The following COL9A3 variants were observed in gnomAD, a reference collection of about 807,000 sequenced individuals.
The protein encoded by COL9A3 is collagen alpha-3(IX) chain.
In COL9A3, 82 loss-of-function variants were observed where a neutral mutation model predicts 110.2. The observed-to-expected ratio is 0.74, with a 90% CI of 0.62 to 0.89. The LOEUF (loss-of-function observed/expected upper bound fraction) is 0.89. Among genes scored for constraint, COL9A3 ranks in the 40% least tolerant of loss-of-function variants. The pLI is 0.00. For missense variants in COL9A3, 1,066 were observed against 981.3 expected, an observed-to-expected ratio of 1.09 and a Z score of -1.15; for synonymous variants, 494 against 403.8, an observed-to-expected ratio of 1.22 and a Z score of -2.68.
rs531362944 is a variant in COL9A3 at position 62,835,102 on chromosome 20, AC to A, written c.1369-814del. ...TCGCACGGTCGGGCTGTGTGAGGTG[AC>A]CCCCTACCCTCCTGGCCTCCGCGGA... On this transcript the variant is annotated intron_variant, in intron 26 of 31. Coordinates refer to ENST00000649368, the MANE Select transcript of COL9A3 (RefSeq NM_001853.4). 5.3e-5 allele frequency among the ~76,000 whole-genome samples: 8 copies of A among 151,780 alleles called. No individual in the cohort carries two copies. The South Asian group carries it at 1.7e-3, about 32-fold the overall frequency.
chr20:62,825,711 G>A (rs1442488177), intron 12 of COL9A3, 106 bp from the exon 13 acceptor site: 2 of 1,170,314 alleles, frequency 1.7e-6, no homozygotes, highest in Admixed American at 2.0e-5. Flanking sequence ...GCTGTGAAGG[G>A]GGCAACACCC....
chr20:62,818,742 G>T (rs1991019502), intron 3 of COL9A3, among the ~76,000 whole-genome samples, 189 bp downstream of exon 3: 1 of 152,232 alleles, frequency 6.6e-6, no homozygotes, highest in African/African-American at 2.4e-5. Flanking sequence ...CTCAGCCTCT[G>T]CATGTTCAGG....
At chr20:62,818,824 C>A (rs1364038316) in intron 3 of COL9A3, among the ~76,000 whole-genome samples, 2 of 152,208 alleles carry the variant, frequency 1.3e-5, no homozygotes, top group Non-Finnish European at 2.9e-5. Flanking sequence ...TACAGCCCTT[C>A]AGGTCCCCCA....
At chr20:62,833,945 T>C (rs932758372) in intron 26 of COL9A3, among the ~76,000 whole-genome samples, 1 of 152,092 alleles carries the variant, frequency 6.6e-6, no homozygotes, top group Non-Finnish European at 1.5e-5. Context: ...AGTGACGCCA[T>C]CTCGGCTCAC....
At chr20:62,832,094 C>A in intron 24 of COL9A3, 60 bp from the exon 25 acceptor site, 1 of 1,532,636 alleles carries the variant, frequency 6.5e-7, no homozygotes, top group Non-Finnish European at 9.0e-7. Context: ...GGGCCCAGGG[C>A]AGGCTCACTT....
intron 12 of COL9A3, 169 bp from the exon 13 acceptor site, chr20:62,825,648 G>A: frequency 2.8e-6 from 2 of 711,358 alleles, no homozygotes; most frequent in South Asian, 1.6e-5. Flanking sequence ...AGACTCGCGG[G>A]ACTGCTCTGG....
chr20:62,826,342 G>A, intron 14 of COL9A3, 85 bp downstream of exon 14: 4 of 1,285,554 alleles, frequency 3.1e-6, no homozygotes, highest in Non-Finnish European at 4.3e-6. Flanking sequence ...TGGGCCCCGT[G>A]AGTGACACTC....
At chr20:62,835,695 A>G (rs2063629624) in intron 26 of COL9A3, among the ~76,000 whole-genome samples, 1 of 152,196 alleles carries the variant, frequency 6.6e-6, no homozygotes, top group South Asian at 2.1e-4. Context: ...GCAGCTAACA[A>G]AGTCACTCTT....
At position 62,821,531 on chromosome 20, in the gene COL9A3, G is replaced by A. The variant is rs766029215; in HGVS notation, c.369+1G>A. 5.0e-6 allele frequency: 8 copies of A among 1,612,786 alleles called. No individual in the cohort carries two copies. The highest frequency in any genetic ancestry group is 2.2e-5 in the East Asian group (1 of 44,864). ...GGGCAAAGGCCTCCCTGGACCCCCC[G>A]TGAGTACTGACAACCCTTGGGGCCC... On this transcript the variant is annotated splice_donor_variant, in intron 7 of 31. Transcript: ENST00000649368. LOFTEE classifies it high-confidence loss of function.
At chr20:62,817,706 C>T (rs1990981090) in intron 2 of COL9A3, 71 bp downstream of exon 2, 1 of 1,071,434 alleles carries the variant, frequency 9.3e-7, no homozygotes, top group Non-Finnish European at 1.3e-6. Context: ...CCCTGAGCTC[C>T]CCGGCCTGAT....
intron 24 of COL9A3, chr20:62,831,125 G>A (rs2063594269): frequency 6.6e-6 from 1 of 152,270 alleles, no homozygotes; most frequent in Non-Finnish European, 1.5e-5. Flanking sequence ...GTTGACAGAG[G>A]ATCACGTTGC....
chr20:62,820,417 G>GT (rs1419631912), intron 5 of COL9A3, among the ~76,000 whole-genome samples: 1 of 152,216 alleles, frequency 6.6e-6, no homozygotes, highest in Non-Finnish European at 1.5e-5. Flanking sequence ...TTCTCCCCTT[G>GT]TGGCTTCTGA....
In COL9A3 at chr20:62,817,655, G is replaced by A. The variant is rs1990978452; in HGVS notation, c.147+20G>A. Reference sequence around the variant, plus strand: ...ATTGACGTGAGTTTGGGGGTGGGGAGGGCCCCGAGCGCTCTGGGGTTCTGG... The same window carrying A: ...ATTGACGTGAGTTTGGGGGTGGGGAAGGCCCCGAGCGCTCTGGGGTTCTGG... On this transcript the variant is annotated intron_variant, in intron 2 of 31. Coordinates refer to ENST00000649368, the MANE Select transcript of COL9A3 (RefSeq NM_001853.4). 1 of 1,519,126 alleles carries A rather than the reference G, an allele frequency of 6.6e-7. No individual in the cohort carries two copies. Among genetic ancestry groups the A allele is most frequent in the South Asian group, 1.2e-5 (1 of 81,904 alleles). 94.1% of individuals were successfully genotyped at this position (1,519,126 alleles called of 1,614,324 possible).
chr20:62,824,922 G>C, intron 11 of COL9A3, 46 bp from the exon 12 acceptor site: 1 of 1,573,772 alleles, frequency 6.4e-7, no homozygotes, highest in Admixed American at 1.8e-5. Flanking sequence ...CAGGGAGGGG[G>C]TGTCGGGGGG....
chr20:62,836,042 G>A (rs2147226918), intron 27 of COL9A3, 89 bp downstream of exon 27: 10 of 1,608,526 alleles, frequency 6.2e-6, no homozygotes, highest in Middle Eastern at 1.7e-4. Flanking sequence ...AGCCCTGCAG[G>A]GCACTGCCCA....
chr20:62,818,689 G>A (rs1991017587), intron 3 of COL9A3, 136 bp downstream of exon 3: 5 of 892,048 alleles, frequency 5.6e-6, no homozygotes, highest in Non-Finnish European at 9.2e-6. Flanking sequence ...CAGAGGGCTT[G>A]GAGCAGGCCT....
At chr20:62,826,934 T>C (rs934779451) in intron 15 of COL9A3, 114 bp downstream of exon 15, 3 of 1,173,190 alleles carry the variant, frequency 2.6e-6, no homozygotes, top group Non-Finnish European at 3.7e-6. Flanking sequence ...GGCTGAGCTG[T>C]TCCCTGGACA....
At chr20:62,835,129 G>T (rs2063625421) in intron 26 of COL9A3, among the ~76,000 whole-genome samples, 1 of 152,258 alleles carries the variant, frequency 6.6e-6, no homozygotes, top group Admixed American at 6.5e-5. Flanking sequence ...CCTCCGCGGA[G>T]CATGCTGTCT....
chr20:62,833,408 C>G (rs2313587), intron 26 of COL9A3, among the ~76,000 whole-genome samples: 1 of 151,992 alleles, frequency 6.6e-6, no homozygotes, highest in African/African-American at 2.4e-5. Flanking sequence ...TTTGGGGTTT[C>G]TTGTTTTTTG....
Sources: gnomAD v4.1 joint callset for allele counts (sites outside exome capture counted in the v4.1 genomes callset) on GRCh38, gnomAD v4.1.1 for gene constraint, MANE v1.5 for transcripts, NCBI Gene and HGNC (gene_info 2026-07-23, HGNC 2026-07-21) for gene names.